Variants in PTPRT observed in about 807,000 individuals in gnomAD.
PTPRT encodes the protein protein tyrosine phosphatase receptor type T.
PTPRT carries 56 observed loss-of-function variants against 176.8 expected under a neutral mutation model. That is an observed-to-expected ratio of 0.32 (90% CI 0.26 to 0.40). PTPRT has a LOEUF of 0.40. Ranked by LOEUF, PTPRT falls within the 10% of genes least tolerant of loss-of-function variation. The pLI, the probability that PTPRT is intolerant of heterozygous loss-of-function variation, is 1.00. For missense variants in PTPRT, 1,540 were observed against 1,908.2 expected (o/e 0.81, Z 3.60); for synonymous variants, 783 against 739.0 (o/e 1.06, Z -0.96).
At position 43,083,347 on chromosome 20, in the gene PTPRT, T is replaced by TACATAC. The variant is rs1555828979; in HGVS notation, c.88+106298_88+106299insGTATGT. 1.3e-3 allele frequency among the ~76,000 whole-genome samples: 130 copies of TACATAC among 97,774 alleles called. 6 individuals carry two copies. The highest frequency in any genetic ancestry group is 4.5e-3 in the African/African-American group (127 of 28,046). The allele number at this position is 97,774 out of a possible 152,430, so 64.1% of individuals were successfully genotyped here. ...ATATATATATATATATATATATATATATATATATATATATATATATATACA... is the reference window on the plus strand; with the variant it reads ...ATATATATATATATATATATATATATACATACATATATATATATATATATATATACA... On this transcript the variant is annotated intron_variant, in intron 1 of 30. Transcript: ENST00000373187.
intron 1 of PTPRT, among the ~76,000 whole-genome samples, chr20:43,183,383 T>C (rs2015313652): frequency 6.6e-6 from 1 of 152,196 alleles, no homozygotes; most frequent in Non-Finnish European, 1.5e-5. Context: ...GAGGCATCAG[T>C]AGCCCCATTT....
intron 1 of PTPRT, among the ~76,000 whole-genome samples, chr20:43,185,228 A>C (rs2015361482): frequency 6.6e-6 from 1 of 152,194 alleles, no homozygotes; most frequent in South Asian, 2.1e-4. Context: ...CAATAATCTC[A>C]GAGCTTTTTA....
At chr20:42,515,429 G>T (rs981926216) in intron 7 of PTPRT, among the ~76,000 whole-genome samples, 1 of 152,282 alleles carries the variant, frequency 6.6e-6, no homozygotes, top group Non-Finnish European at 1.5e-5. Context: ...GTTGCAGTGA[G>T]CTGAGACTGG....
At chr20:43,035,655 A>G (rs1217302183) in intron 1 of PTPRT, among the ~76,000 whole-genome samples, 1 of 152,230 alleles carries the variant, frequency 6.6e-6, no homozygotes, top group Admixed American at 6.5e-5. Context: ...AGATGAACAA[A>G]GGTAACTACT....
rs373524522 is a variant in PTPRT at position 42,661,038 on chromosome 20, A to T, written c.1153+16828T>A. ...GTCTAATTTTTGCATTTTAGTAGAG[A>T]TCGGGTTTCACCATATTGGCCAGCC... On this transcript the variant is annotated intron_variant, in intron 7 of 30. Transcript: ENST00000373187. 9.2e-5 allele frequency among the ~76,000 whole-genome samples: 14 copies of T among 152,056 alleles called. 1 individual carries two copies. The highest frequency in any genetic ancestry group is 3.4e-3 in the Middle Eastern group (1 of 292).
At chr20:42,595,835 C>A (rs752640982) in intron 7 of PTPRT, among the ~76,000 whole-genome samples, 1 of 152,188 alleles carries the variant, frequency 6.6e-6, no homozygotes, top group African/African-American at 2.4e-5. Flanking sequence ...ACCTCACCCC[C>A]ACACCTGCCT....
intron 1 of PTPRT, among the ~76,000 whole-genome samples, chr20:42,921,063 G>C (rs1236802275): frequency 1.3e-5 from 2 of 152,264 alleles, no homozygotes; most frequent in East Asian, 3.9e-4. Flanking sequence ...AATGTTAAGT[G>C]AGGAAAGCAG....
At chr20:42,819,213 C>T (rs967274937) in intron 2 of PTPRT, among the ~76,000 whole-genome samples, 9 of 152,202 alleles carry the variant, frequency 5.9e-5, no homozygotes, top group Non-Finnish European at 1.0e-4. Context: ...TGGGCAGAAA[C>T]TCCAGAGGCC....
rs74469324 is a variant in PTPRT, at chr20:42,091,265, G to T, written c.3847-5412C>A. ...TTGGGCCATGAAAAGATGTCCTTGG[G>T]GGGTGCAAGTTCACGTGTGATATAT... On this transcript the variant is annotated intron_variant, in intron 27 of 30. Coordinates refer to ENST00000373187, the MANE Select transcript of PTPRT (RefSeq NM_007050.6). 3.8e-3 allele frequency among the ~76,000 whole-genome samples: 586 copies of T among 152,268 alleles called. 14 individuals carry two copies. In the East Asian group the frequency reaches 0.06, roughly 16 times the overall value.
At position 42,982,347 on chromosome 20, in the gene PTPRT, A is replaced by G. The variant is rs6030581; in HGVS notation, c.89-96415T>C. 2.4e-3 allele frequency among the ~76,000 whole-genome samples: 369 copies of G among 152,340 alleles called. 1 individual carries two copies. The highest frequency in any genetic ancestry group is 8.6e-3 in the African/African-American group (356 of 41,578). ...GCATGTGGGAGGTAGACCTTAATAG[A>G]GTAAACAAACAAGTAACATAATTAT... On this transcript the variant is annotated intron_variant, in intron 1 of 30. Transcript: ENST00000373187.
At chr20:42,593,132 C>A (rs1240422797) in intron 7 of PTPRT, among the ~76,000 whole-genome samples, 1 of 152,160 alleles carries the variant, frequency 6.6e-6, no homozygotes, top group Non-Finnish European at 1.5e-5. Flanking sequence ...TGAGCCTTTG[C>A]ATGACTTTGG....
chr20:42,636,228 A>G (rs1373944555), intron 7 of PTPRT, among the ~76,000 whole-genome samples: 2 of 152,072 alleles, frequency 1.3e-5, no homozygotes, highest in Non-Finnish European at 2.9e-5. Context: ...AAAAGTCTGA[A>G]GTGGGTAGGG....
intron 2 of PTPRT, among the ~76,000 whole-genome samples, chr20:42,826,909 C>T (rs1187870514): frequency 6.6e-6 from 1 of 152,112 alleles, no homozygotes; most frequent in African/African-American, 2.4e-5. Flanking sequence ...GGTTGCAACC[C>T]TCATTTCAGA....
At chr20:42,302,010 T>C (rs543956295) in intron 12 of PTPRT, among the ~76,000 whole-genome samples, 12 of 152,256 alleles carry the variant, frequency 7.9e-5, no homozygotes, top group African/African-American at 2.6e-4. Context: ...ATGGAGTATG[T>C]CATCAATAAA....
chr20:42,647,437 C>G (rs186088448), intron 7 of PTPRT, among the ~76,000 whole-genome samples: 1 of 152,236 alleles, frequency 6.6e-6, no homozygotes, highest in African/African-American at 2.4e-5. Flanking sequence ...GTCAACAGCC[C>G]AGAGCTCCTC....
chr20:42,058,215 CA>C, the PTPRT span, among the ~76,000 whole-genome samples: 1 of 152,170 alleles, frequency 6.6e-6, no homozygotes, highest in African/African-American at 2.4e-5. Context: ...ATGCATTAGA[CA>C]AATACCATCT....
intron 1 of PTPRT, among the ~76,000 whole-genome samples, chr20:43,188,748 T>TTGG (rs1353474540): frequency 1.9e-4 from 3 of 15,810 alleles, no homozygotes; most frequent in African/African-American, 3.6e-4. Flanking sequence ...GCCGCTACTC[T>TTGG]TGGGGGGGGG....
intron 1 of PTPRT, among the ~76,000 whole-genome samples, chr20:43,069,657 G>A (rs150840523): frequency 5.9e-5 from 9 of 152,142 alleles, no homozygotes; most frequent in Admixed American, 3.3e-4. Context: ...GACAAGAAGC[G>A]GTGAGGTATC....
chr20:42,320,469 C>T (rs1358060097), intron 11 of PTPRT, among the ~76,000 whole-genome samples: 1 of 152,098 alleles, frequency 6.6e-6, no homozygotes, highest in East Asian at 1.9e-4. Context: ...AGTCAGGTGA[C>T]AGATGGAGTG....
Sources: allele counts gnomAD v4.1 joint callset (sites outside exome capture counted in the v4.1 genomes callset), GRCh38; gene constraint gnomAD v4.1.1; transcripts MANE v1.5; gene names NCBI Gene and HGNC (gene_info 2026-07-23, HGNC 2026-07-21).